Variants in UQCC4 observed in about 807,000 individuals in gnomAD.
UQCC4 encodes ubiquinol-cytochrome c reductase complex assembly factor 4, also known as cattle cerebrum and skeletal muscle-specific protein 1 family member.
chr16:1,419,804 CAT>C, the UQCC4 span: 140 of 857,922 alleles, frequency 1.6e-4, no homozygotes, highest in African/African-American at 2.1e-3. Flanking sequence ...GTAAAACTCA[CAT>C]GTGGAAGTGT....
chr16:1,420,147 G>A, the UQCC4 span: 2 of 1,613,668 alleles, frequency 1.2e-6, no homozygotes, highest in African/African-American at 2.7e-5. Flanking sequence ...CTTCAGTGCT[G>A]AGGACGCACG....
chr16:1,419,946 T>C, the UQCC4 span: 11 of 1,521,892 alleles, frequency 7.2e-6, no homozygotes, highest in Non-Finnish European at 9.8e-6. Context: ...AACATGATTA[T>C]GTTATACAAA....
At chr16:1,420,681 G>C in the UQCC4 span, 7 of 1,547,700 alleles carry the variant, frequency 4.5e-6, no homozygotes, top group Non-Finnish European at 5.2e-6. Flanking sequence ...CCGAGACCTT[G>C]AGGAGCTCAC....
the UQCC4 span, chr16:1,419,767 T>C: frequency 1.7e-6 from 1 of 577,242 alleles, no homozygotes; most frequent in Non-Finnish European, 2.5e-6. Flanking sequence ...TATTATAAAA[T>C]TAAAATTTAT....
chr16:1,420,483 G>A, the UQCC4 span: 20 of 1,614,140 alleles, frequency 1.2e-5, no homozygotes, highest in Non-Finnish European at 1.6e-5. Context: ...TGGCTTTGCT[G>A]GAGGAAAACT....
the UQCC4 span, chr16:1,420,013 A>G: frequency 6.2e-7 from 1 of 1,606,474 alleles, no homozygotes; most frequent in Non-Finnish European, 8.5e-7. Flanking sequence ...AGGATCTGAG[A>G]AGTCTTGCCG....
At chr16:1,420,547 C>T in the UQCC4 span, 2 of 1,613,256 alleles carry the variant, frequency 1.2e-6, no homozygotes, top group South Asian at 1.1e-5. Flanking sequence ...GGCCCGATCC[C>T]GGGAACCGGG....
chr16:1,420,482 T>C, the UQCC4 span: 1 of 1,614,252 alleles, frequency 6.2e-7, no homozygotes, highest in Middle Eastern at 1.6e-4. Flanking sequence ...TTGGCTTTGC[T>C]GGAGGAAAAC....
chr16:1,419,818 C>T, the UQCC4 span: 2 of 1,074,190 alleles, frequency 1.9e-6, no homozygotes, highest in Non-Finnish European at 2.5e-6. Flanking sequence ...TGGAAGTGTT[C>T]CTTGCACAGG....
At chr16:1,420,549 G>A in the UQCC4 span, 3 of 1,613,316 alleles carry the variant, frequency 1.9e-6, no homozygotes, top group Non-Finnish European at 2.5e-6. Flanking sequence ...CCCGATCCCG[G>A]GAACCGGGCA....
the UQCC4 span, chr16:1,420,593 G>C: frequency 5.6e-6 from 9 of 1,594,264 alleles, no homozygotes; most frequent in East Asian, 2.1e-4. Flanking sequence ...CAGCCTATGA[G>C]CCTCAGCGCC....
At chr16:1,419,869 C>G in the UQCC4 span, 1 of 1,347,536 alleles carries the variant, frequency 7.4e-7, no homozygotes, top group Non-Finnish European at 9.8e-7. Context: ...GCCAGATATT[C>G]TATCTCAGAA....
chr16:1,420,709 C>G, the UQCC4 span: 2 of 1,542,330 alleles, frequency 1.3e-6, no homozygotes, highest in Non-Finnish European at 1.7e-6. Context: ...CCGGGGCACA[C>G]AAGACACGAT....
the UQCC4 span, chr16:1,420,642 C>T: frequency 1.3e-6 from 2 of 1,549,924 alleles, no homozygotes. Context: ...AAGCGCTCCG[C>T]CCGCCCGCCG....
At chr16:1,419,960 T>C in the UQCC4 span, 39 of 1,554,180 alleles carry the variant, frequency 2.5e-5, no homozygotes, top group Admixed American at 2.1e-4. Flanking sequence ...ATACAAAGAC[T>C]TGGCAAATCC....
At chr16:1,420,548 G>A in the UQCC4 span, 2 of 1,613,190 alleles carry the variant, frequency 1.2e-6, no homozygotes, top group Non-Finnish European at 1.7e-6. Context: ...GCCCGATCCC[G>A]GGAACCGGGC....
the UQCC4 span, chr16:1,420,704 G>A: frequency 8.6e-5 from 132 of 1,543,084 alleles, no homozygotes; most frequent in Non-Finnish European, 1.1e-4. Flanking sequence ...GGCCGCCGGG[G>A]CACACAAGAC....
the UQCC4 span, chr16:1,420,534 G>A: frequency 3.7e-6 from 6 of 1,614,024 alleles, no homozygotes; most frequent in Admixed American, 1.7e-5. Context: ...CGGCGGCAGG[G>A]TGGGCCCGAT....
At chr16:1,420,557 G>C in the UQCC4 span, 1 of 1,612,362 alleles carries the variant, frequency 6.2e-7, no homozygotes, top group South Asian at 1.1e-5. Flanking sequence ...CGGGAACCGG[G>C]CAACGGATGA....
Sources: allele counts gnomAD v4.1 joint callset, GRCh38; gene constraint gnomAD v4.1.1; transcripts MANE v1.5; gene names NCBI Gene and HGNC (gene_info 2026-07-23, HGNC 2026-07-21).